The following ARHGAP10 variants were observed in gnomAD, a reference collection of about 807,000 sequenced individuals.
ARHGAP10 encodes the protein rho GTPase-activating protein 10.
Under a neutral mutation model 108.6 loss-of-function variants are expected in ARHGAP10, and 87 were observed. The ratio of observed to expected loss-of-function variants is 0.80; its 90% CI spans 0.67 to 0.96. The LOEUF (loss-of-function observed/expected upper bound fraction) is 0.96. ARHGAP10 is among the 40% of genes least tolerant of loss of function. The pLI is 0.00. For synonymous variants in ARHGAP10, 347 were observed against 341.1 expected, an observed-to-expected ratio of 1.02 and a Z score of -0.19; for missense variants, 939 against 954.5, an observed-to-expected ratio of 0.98 and a Z score of 0.21.
chr4:147,767,405 G>C (rs1729880017), intron 1 of ARHGAP10, among the ~76,000 whole-genome samples: 2 of 151,818 alleles, frequency 1.3e-5, no homozygotes. Flanking sequence ...AAATCATATA[G>C]GGGTTCTGAG....
At chr4:147,826,709 A>G (rs990652254) in intron 3 of ARHGAP10, among the ~76,000 whole-genome samples, 2 of 152,118 alleles carry the variant, frequency 1.3e-5, no homozygotes, top group African/African-American at 4.8e-5. Flanking sequence ...TGCTCTCCTC[A>G]TTATTTTGAC....
Position 147,984,578 on chromosome 4 carries a change from G to A in ARHGAP10, c.1716+17739G>A, listed in dbSNP as rs190385730. On this transcript the variant is annotated intron_variant, in intron 18 of 22. Transcript: ENST00000336498. ...GGCTGTTTTCACTGGCAAGGTGTCT[G>A]TTTGAGTTCTGTGGTTATAAATAGC... Among the ~76,000 whole-genome samples, 249 of 152,338 alleles carry A rather than the reference G, an allele frequency of 1.6e-3. 1 individual carries two copies. The highest frequency in any genetic ancestry group is 5.6e-3 in the African/African-American group (233 of 41,580).
At chr4:147,732,587 C>T (rs1728262595) in intron 1 of ARHGAP10, 132 bp downstream of exon 1, 3 of 1,300,310 alleles carry the variant, frequency 2.3e-6, no homozygotes, top group Non-Finnish European at 3.1e-6. Context: ...TCCGGACCAG[C>T]CCAGCTCTCT....
At chr4:147,923,476 TTTTG>T (rs1490128350) in intron 13 of ARHGAP10, among the ~76,000 whole-genome samples, 1 of 152,250 alleles carries the variant, frequency 6.6e-6, no homozygotes, top group African/African-American at 2.4e-5. Flanking sequence ...TGGATGCCAC[TTTTG>T]TTTATGAAGT....
intron 3 of ARHGAP10, among the ~76,000 whole-genome samples, chr4:147,836,477 A>C (rs143187915): frequency 1.3e-5 from 2 of 152,320 alleles, no homozygotes; most frequent in Non-Finnish European, 2.9e-5. Context: ...TATACTTTAA[A>C]ATCATAGTTT....
At chr4:147,855,574 AT>A (rs1220994798) in intron 4 of ARHGAP10, among the ~76,000 whole-genome samples, 3 of 152,034 alleles carry the variant, frequency 2.0e-5, no homozygotes, top group African/African-American at 7.3e-5. Flanking sequence ...ATTTCTACAC[AT>A]GGGTGAACCA....
At chr4:147,816,391 A>G (rs114170339) in intron 1 of ARHGAP10, among the ~76,000 whole-genome samples, 79 of 152,322 alleles carry the variant, frequency 5.2e-4, no homozygotes, top group African/African-American at 1.8e-3. Context: ...TTTGGGGCCT[A>G]TGCACCTTTG....
intron 3 of ARHGAP10, among the ~76,000 whole-genome samples, chr4:147,842,470 T>G (rs1733455516): frequency 6.6e-6 from 1 of 152,202 alleles, no homozygotes; most frequent in African/African-American, 2.4e-5. Context: ...ACCTCTACTT[T>G]CTGAGCATTT....
At chr4:147,893,112 GC>G (rs1240086541) in intron 10 of ARHGAP10, among the ~76,000 whole-genome samples, 1 of 152,032 alleles carries the variant, frequency 6.6e-6, no homozygotes, top group African/African-American at 2.4e-5. Context: ...AGGCTGGAGC[GC>G]AGTGGCGTGA....
intron 10 of ARHGAP10, among the ~76,000 whole-genome samples, chr4:147,886,164 C>CA (rs939079295): frequency 3.9e-5 from 6 of 151,936 alleles, no homozygotes; most frequent in South Asian, 2.1e-4. Flanking sequence ...TTCTAAAATC[C>CA]AAAAAAAATT....
At chr4:147,884,041 C>T (rs747728394) in intron 10 of ARHGAP10, among the ~76,000 whole-genome samples, 3 of 152,164 alleles carry the variant, frequency 2.0e-5, no homozygotes, top group South Asian at 4.1e-4. Context: ...TGCAGATTAC[C>T]ATATAATCAG....
At chr4:147,948,991 C>CA (rs1273835884) in intron 15 of ARHGAP10, among the ~76,000 whole-genome samples, 1 of 151,624 alleles carries the variant, frequency 6.6e-6, no homozygotes, top group Non-Finnish European at 1.5e-5. Context: ...AAAAAACCCC[C>CA]AAAAAACAGA....
At chr4:148,020,756 C>T (rs1388725929) in intron 18 of ARHGAP10, among the ~76,000 whole-genome samples, 1 of 152,092 alleles carries the variant, frequency 6.6e-6, no homozygotes, top group Non-Finnish European at 1.5e-5. Context: ...AGCAAACATA[C>T]TCGTGCGTGT....
intron 1 of ARHGAP10, among the ~76,000 whole-genome samples, chr4:147,794,800 A>G (rs1438922999): frequency 6.6e-6 from 1 of 152,202 alleles, no homozygotes; most frequent in Non-Finnish European, 1.5e-5. Context: ...TTACAGTACC[A>G]TTTAGTGTTT....
chr4:147,936,659 G>C (rs1737961067), intron 13 of ARHGAP10, among the ~76,000 whole-genome samples: 1 of 152,106 alleles, frequency 6.6e-6, no homozygotes, highest in Admixed American at 6.5e-5. Context: ...CTGAATGTTC[G>C]CCCTCAGGAA....
intron 20 of ARHGAP10, among the ~76,000 whole-genome samples, chr4:148,061,453 G>A (rs989427720): frequency 7.3e-5 from 11 of 151,310 alleles, no homozygotes; most frequent in East Asian, 1.9e-4. Context: ...AACATTCAGC[G>A]TTCCTTTTCT....
intron 13 of ARHGAP10, among the ~76,000 whole-genome samples, chr4:147,915,042 G>A (rs148329001): frequency 2.6e-4 from 40 of 152,184 alleles, no homozygotes; most frequent in African/African-American, 3.4e-4. Flanking sequence ...ATTCCAGTCC[G>A]ACTTTGGATG....
At position 147,820,032 on chromosome 4, in the gene ARHGAP10, G is replaced by A. The variant is rs1018604696; in HGVS notation, c.155-2695G>A. On this transcript the variant is annotated intron_variant, in intron 1 of 22. Coordinates refer to ENST00000336498, the MANE Select transcript of ARHGAP10 (RefSeq NM_024605.4). ...GTAAGTGCTATGAAGGAAATAAGAC[G>A]GCAGTAGAATGGAGAGGGCCACGGT... 4.6e-5 allele frequency among the ~76,000 whole-genome samples: 7 copies of A among 152,244 alleles called. No individual in the cohort carries two copies. In the South Asian group the frequency reaches 1.0e-3, roughly 23 times the overall value.
intron 3 of ARHGAP10, among the ~76,000 whole-genome samples, chr4:147,842,772 G>A (rs1324735360): frequency 1.3e-5 from 2 of 152,118 alleles, no homozygotes; most frequent in South Asian, 2.1e-4. Flanking sequence ...TGTCTGCCAC[G>A]TCATACTGTG....
Sources: allele counts gnomAD v4.1 joint callset (sites outside exome capture counted in the v4.1 genomes callset), GRCh38; gene constraint gnomAD v4.1.1; transcripts MANE v1.5; gene names NCBI Gene and HGNC (gene_info 2026-07-23, HGNC 2026-07-21).